CPSF4L: variants seen among roughly 807,000 people sequenced by gnomAD.
The protein encoded by CPSF4L is cleavage and polyadenylation specific factor 4 like.
In CPSF4L, 18 loss-of-function variants were observed where a neutral mutation model predicts 24.0. That is an observed-to-expected ratio of 0.75 (90% CI 0.52 to 1.11). CPSF4L has a LOEUF of 1.11. CPSF4L is among the 50% of genes least tolerant of loss of function. The probability of loss-of-function intolerance (pLI) is 0.00; values close to 1 mark genes in which losing one functional copy is unlikely to be tolerated. For synonymous variants in CPSF4L, 72 were observed against 77.2 expected (o/e 0.93, Z 0.35); for missense variants, 211 against 221.8 (o/e 0.95, Z 0.31).
At chr17:73,256,026 A>G (rs16977552) in intron 3 of CPSF4L, among the ~76,000 whole-genome samples, 10,653 of 152,246 alleles carry the variant, frequency 0.07, 838 homozygotes, top group African/African-American at 0.19. Context: ...TTCGAAAGCC[A>G]TATGCATTCA....
At chr17:73,251,111 A>C (rs918777412) in intron 5 of CPSF4L, 52 of 1,538,950 alleles carry the variant, frequency 3.4e-5, no homozygotes, top group South Asian at 1.3e-4. Context: ...GCTACAGCTG[A>C]AGTGCAGTCG....
chr17:73,261,065 TC>T (rs1200154943), intron 1 of CPSF4L, 82 bp from the exon 2 acceptor site: 3 of 1,166,110 alleles, frequency 2.6e-6, no homozygotes, highest in Non-Finnish European at 3.7e-6. Context: ...CATCGGCATG[TC>T]CCACCTAGAC....
At chr17:73,261,394 G>A (rs994940871) in intron 1 of CPSF4L, among the ~76,000 whole-genome samples, 9 of 152,232 alleles carry the variant, frequency 5.9e-5, no homozygotes, top group Non-Finnish European at 1.0e-4. Context: ...GGGCGTGGTG[G>A]CTCATGCCTG....
At chr17:73,242,732 G>GT in the CPSF4L span, among the ~76,000 whole-genome samples, 1 of 152,200 alleles carries the variant, frequency 6.6e-6, no homozygotes, top group Admixed American at 6.5e-5. Context: ...ATCTAGTCAA[G>GT]TTAAGGTTCT....
chr17:73,261,878 A>G lies in CPSF4L; in HGVS notation c.-60T>C. On this transcript the variant is annotated 5_prime_UTR_variant, in exon 1 of 6. Coordinates refer to ENST00000344935, the MANE Select transcript of CPSF4L (RefSeq NM_001129885.1). Reference sequence around the variant, plus strand: ...GAACCCAGGCAGGTGGGCCCAATATAGCTCATCAGAGGCCCTTAAGGGGCC... The same window carrying G: ...GAACCCAGGCAGGTGGGCCCAATATGGCTCATCAGAGGCCCTTAAGGGGCC... The G allele has an allele frequency of 6.3e-6, 8 of 1,275,506 alleles. No individual in the cohort carries two copies. The highest frequency in any genetic ancestry group is 5.6e-6 in the Non-Finnish European group (5 of 897,988). 79.0% of individuals were successfully genotyped at this position (1,275,506 alleles called of 1,614,324 possible).
At chr17:73,243,147 T>G in the CPSF4L span, 1 of 714,450 alleles carries the variant, frequency 1.4e-6, no homozygotes, top group East Asian at 2.7e-5. Flanking sequence ...AGCTATTGCC[T>G]GGGGTTTCTG....
chr17:73,251,029 C>G, intron 5 of CPSF4L: 1 of 1,549,822 alleles, frequency 6.5e-7, no homozygotes, highest in Non-Finnish European at 8.7e-7. Context: ...AGCAGGCACT[C>G]TGTTGGGGAT....
chr17:73,256,042 T>C (rs919632612), intron 3 of CPSF4L, among the ~76,000 whole-genome samples: 1 of 152,220 alleles, frequency 6.6e-6, no homozygotes, highest in Admixed American at 6.5e-5. Flanking sequence ...ATTCATTTAC[T>C]GTAAGAACAG....
chr17:73,248,637 T>C, intron 5 of CPSF4L, 101 bp from the exon 6 acceptor site: 1 of 1,200,482 alleles, frequency 8.3e-7, no homozygotes, highest in Non-Finnish European at 1.2e-6. Flanking sequence ...CCCAGGCTAC[T>C]GTCCATGCTT....
At chr17:73,260,883 C>T in intron 2 of CPSF4L, 50 bp downstream of exon 2, 1 of 1,481,714 alleles carries the variant, frequency 6.7e-7, no homozygotes, top group Non-Finnish European at 9.2e-7. Flanking sequence ...GTAGCTCAGA[C>T]AGACCCTACA....
the CPSF4L span, chr17:73,242,848 C>T: frequency 6.8e-7 from 1 of 1,477,334 alleles, no homozygotes; most frequent in East Asian, 2.3e-5. Flanking sequence ...CGGATACTGG[C>T]CCTAGTTTCA....
At chr17:73,255,309 C>T (rs970236853) in intron 3 of CPSF4L, among the ~76,000 whole-genome samples, 3 of 151,872 alleles carry the variant, frequency 2.0e-5, no homozygotes, top group African/African-American at 7.3e-5. Flanking sequence ...GAGTTTGAGA[C>T]CAGACTGGCC....
intron 1 of CPSF4L, among the ~76,000 whole-genome samples, chr17:73,261,457 T>A (rs6501616): frequency 3.3e-5 from 5 of 151,936 alleles, no homozygotes; most frequent in Non-Finnish European, 5.9e-5. Context: ...GTCAGGAGAT[T>A]GAGACCATCC....
chr17:73,243,036 A>C, the CPSF4L span: 1 of 1,526,012 alleles, frequency 6.6e-7, no homozygotes, highest in Admixed American at 1.7e-5. Flanking sequence ...CCTAAATAAC[A>C]GGTCCCATTC....
chr17:73,242,774 T>C, the CPSF4L span: 4 of 679,390 alleles, frequency 5.9e-6, no homozygotes, highest in African/African-American at 3.6e-5. Context: ...TTAAAATATG[T>C]GCGTGTAAAT....
chr17:73,247,175 C>T (rs1012160803), downstream of CPSF4L: 35 of 1,404,268 alleles, frequency 2.5e-5, no homozygotes, highest in East Asian at 1.1e-4. Flanking sequence ...ACAGCAAAGT[C>T]GAGTAGTTGC....
downstream of CPSF4L, chr17:73,248,140 A>AT (rs999476414): frequency 4.0e-6 from 1 of 249,006 alleles, no homozygotes; most frequent in Non-Finnish European, 7.8e-6. Context: ...GTGAGGATAC[A>AT]TTTTTCGCTC....
downstream of CPSF4L, chr17:73,245,085 G>C: frequency 7.6e-7 from 1 of 1,308,352 alleles, no homozygotes. Context: ...AACAAAAAGA[G>C]AATGATCTGT....
downstream of CPSF4L, chr17:73,245,223 C>A: frequency 6.2e-7 from 1 of 1,612,770 alleles, no homozygotes. Context: ...AGCTCTGGAA[C>A]AGCAAAGGGC....
Sources: gnomAD v4.1 joint callset for allele counts (sites outside exome capture counted in the v4.1 genomes callset) on GRCh38, gnomAD v4.1.1 for gene constraint, MANE v1.5 for transcripts, NCBI Gene and HGNC (gene_info 2026-07-23, HGNC 2026-07-21) for gene names.